The following THSD7B variants were observed in gnomAD, a reference collection of about 807,000 sequenced individuals.
THSD7B encodes the protein thrombospondin type 1 domain containing 7B.
THSD7B carries 138 observed loss-of-function variants against 213.6 expected under a neutral mutation model. The observed-to-expected ratio is 0.65, with a 90% confidence interval of 0.56 to 0.74. THSD7B has a LOEUF of 0.74. THSD7B is among the 30% of genes least tolerant of loss of function. The pLI, the probability that THSD7B is intolerant of heterozygous loss-of-function variation, is 0.00. For synonymous variants in THSD7B, 742 were observed against 687.0 expected, an observed-to-expected ratio of 1.08 and a Z score of -1.25; for missense variants, 1,931 against 1,991.5, an observed-to-expected ratio of 0.97 and a Z score of 0.58.
chr2:137,171,904 A>G lies in THSD7B; in HGVS notation c.1723+966A>G, dbSNP rs116563808. ...GATATAGATTTTGTCAGGTGATGTA[A>G]TTGGTTCCCTGTGGAAACCAGGTGA... On this transcript the variant is annotated intron_variant, in intron 7 of 27. Coordinates refer to ENST00000409968, the MANE Select transcript of THSD7B (RefSeq NM_001316349.2). Among the ~76,000 whole-genome samples the G allele has an allele frequency of 7.0e-3, 1,067 of 152,190 alleles. 10 individuals carry two copies. The highest frequency in any genetic ancestry group is 0.022 in the African/African-American group (923 of 41,516).
chr2:137,377,133 G>T (rs903461842), intron 12 of THSD7B, among the ~76,000 whole-genome samples: 1 of 152,096 alleles, frequency 6.6e-6, no homozygotes, highest in African/African-American at 2.4e-5. Context: ...CGTATGTGGT[G>T]GAAATTGGGT....
At chr2:136,792,613 G>C in intron 1 of THSD7B, among the ~76,000 whole-genome samples, 1 of 151,952 alleles carries the variant, frequency 6.6e-6, no homozygotes, top group Admixed American at 6.6e-5. Context: ...TGGGGAGACA[G>C]GGAGAGATGT....
intron 14 of THSD7B, among the ~76,000 whole-genome samples, chr2:137,437,561 G>A (rs1293609991): frequency 1.3e-5 from 2 of 152,128 alleles, no homozygotes; most frequent in East Asian, 3.9e-4. Flanking sequence ...CACCTTTAAA[G>A]CAAGAAGAGA....
At chr2:136,914,349 T>C (rs763620221) in intron 2 of THSD7B, among the ~76,000 whole-genome samples, 1 of 152,222 alleles carries the variant, frequency 6.6e-6, no homozygotes, top group Non-Finnish European at 1.5e-5. Context: ...GATGAGACAT[T>C]AGACTATGGC....
intron 2 of THSD7B, among the ~76,000 whole-genome samples, chr2:136,971,158 T>C (rs901388292): frequency 6.6e-6 from 1 of 152,150 alleles, no homozygotes; most frequent in Admixed American, 6.5e-5. Flanking sequence ...TGATGGGCGG[T>C]TATAGAACTG....
At chr2:137,422,846 GATTTCTTT>G (rs1432726364) in intron 14 of THSD7B, among the ~76,000 whole-genome samples, 1 of 151,976 alleles carries the variant, frequency 6.6e-6, no homozygotes, top group African/African-American at 2.4e-5. Context: ...ATGGAATCAA[GATTTCTTT>G]ATTGATGATT....
chr2:137,283,759 A>G (rs1373501974), intron 12 of THSD7B, among the ~76,000 whole-genome samples: 1 of 152,114 alleles, frequency 6.6e-6, no homozygotes, highest in African/African-American at 2.4e-5. Context: ...CCACTTGATC[A>G]TGGTGGATAA....
chr2:137,082,643 G>T (rs1014316464), intron 3 of THSD7B, among the ~76,000 whole-genome samples: 4 of 151,884 alleles, frequency 2.6e-5, no homozygotes, highest in East Asian at 1.9e-4. Context: ...ATATTTTTGG[G>T]TTTCCATTTT....
chr2:137,435,192 T>G (rs1328940625), intron 14 of THSD7B, among the ~76,000 whole-genome samples: 2 of 152,214 alleles, frequency 1.3e-5, no homozygotes, highest in African/African-American at 4.8e-5. Context: ...TTGCAGTTAA[T>G]TAACTTCATA....
intron 12 of THSD7B, among the ~76,000 whole-genome samples, chr2:137,373,844 A>T (rs868655596): frequency 6.6e-6 from 1 of 152,218 alleles, no homozygotes; most frequent in African/African-American, 2.4e-5. Context: ...CTAACAGGTA[A>T]GTCTTTAATC....
rs761892719 is a variant in THSD7B, at chr2:137,272,550, C to G, written c.2284C>G (p.Gln762Glu). The G allele has an allele frequency of 4.3e-6, 7 of 1,609,614 alleles. No individual in the cohort carries two copies. The highest frequency in any genetic ancestry group is 5.9e-6 in the Non-Finnish European group (7 of 1,178,296). Residue 762 changes from glutamine to glutamate, a missense_variant, in exon 11 of 28, where the codon CAG becomes GAG. Coordinates refer to ENST00000409968, the MANE Select transcript of THSD7B (RefSeq NM_001316349.2). ...TACTTCAGGAAATGCCACAGTAAAA[C>G]AGTCTCGATACAGAATCATCATCCA... ...MCQAGNATVKQSRYRIIIQEA... is the reference protein window; with the variant it reads ...MCQAGNATVKESRYRIIIQEA...
intron 15 of THSD7B, chr2:137,452,086 A>AT (rs1014197853): frequency 1.1e-6 from 1 of 929,226 alleles, no homozygotes; most frequent in Non-Finnish European, 1.3e-6. Flanking sequence ...CTCTTTAGCT[A>AT]TTTTTTTCTA....
chr2:137,221,012 C>G (rs182383757), intron 7 of THSD7B, among the ~76,000 whole-genome samples: 1 of 152,062 alleles, frequency 6.6e-6, no homozygotes, highest in African/African-American at 2.4e-5. Flanking sequence ...CCTTCTCAGT[C>G]GTTCCGAAAA....
At chr2:137,080,363 A>G (rs1265896618) in intron 3 of THSD7B, among the ~76,000 whole-genome samples, 2 of 124,734 alleles carry the variant, frequency 1.6e-5, no homozygotes, top group African/African-American at 6.5e-5. Context: ...CACCATGCCC[A>G]GCTGTTTTTT....
chr2:137,274,149 T>C (rs1021920081), intron 11 of THSD7B, among the ~76,000 whole-genome samples: 1 of 152,162 alleles, frequency 6.6e-6, no homozygotes, highest in Admixed American at 6.6e-5. Flanking sequence ...GTTCAAAATG[T>C]ATCCAAGTTA....
intron 11 of THSD7B, among the ~76,000 whole-genome samples, chr2:137,273,357 C>A (rs1435487818): frequency 6.6e-6 from 1 of 152,010 alleles, no homozygotes; most frequent in African/African-American, 2.4e-5. Context: ...GGTTTCTTTG[C>A]TTACTCACAA....
intron 10 of THSD7B, among the ~76,000 whole-genome samples, chr2:137,250,788 A>G (rs962074862): frequency 6.6e-6 from 1 of 152,204 alleles, no homozygotes; most frequent in Non-Finnish European, 1.5e-5. Flanking sequence ...TCAGGGCACT[A>G]TGGAAGAAGG....
At chr2:136,929,359 A>T (rs902176387) in intron 2 of THSD7B, among the ~76,000 whole-genome samples, 4 of 152,146 alleles carry the variant, frequency 2.6e-5, no homozygotes, top group African/African-American at 4.8e-5. Context: ...ACTTGCTATG[A>T]CTTCCCACTT....
intron 14 of THSD7B, among the ~76,000 whole-genome samples, chr2:137,437,675 G>A (rs1687323093): frequency 6.6e-6 from 1 of 152,116 alleles, no homozygotes; most frequent in Admixed American, 6.6e-5. Flanking sequence ...CCTGATTGGT[G>A]AGGGTGGGAT....
Sources: gnomAD v4.1 joint callset for allele counts (sites outside exome capture counted in the v4.1 genomes callset) on GRCh38, gnomAD v4.1.1 for gene constraint, MANE v1.5 for transcripts, NCBI Gene and HGNC (gene_info 2026-07-23, HGNC 2026-07-21) for gene names.